The following DPP10 variants were observed in gnomAD, a reference collection of about 807,000 sequenced individuals.
DPP10 encodes the protein dipeptidyl peptidase like 10, also known as inactive dipeptidyl peptidase 10.
DPP10 carries 33 observed loss-of-function variants against 120.9 expected under a neutral mutation model. The observed-to-expected ratio is 0.27, with a 90% CI of 0.21 to 0.37. The LOEUF (loss-of-function observed/expected upper bound fraction) is 0.37, where lower values mean the gene tolerates loss of function less well. Among genes scored for constraint, DPP10 ranks in the 10% least tolerant of loss-of-function variants. The probability of loss-of-function intolerance (pLI) is 1.00; values close to 1 mark genes in which losing one functional copy is unlikely to be tolerated. For missense variants in DPP10, 816 were observed against 942.8 expected, an observed-to-expected ratio of 0.87 and a Z score of 1.76; for synonymous variants, 337 against 326.1, an observed-to-expected ratio of 1.03 and a Z score of -0.36.
chr2:114,766,360 G>A (rs1388939704), intron 1 of DPP10, among the ~76,000 whole-genome samples: 3 of 152,096 alleles, frequency 2.0e-5, no homozygotes, highest in Non-Finnish European at 2.9e-5. Context: ...AAATGATACA[G>A]CTACTCTGGA....
chr2:115,675,991 C>G (rs2090221839), intron 5 of DPP10, among the ~76,000 whole-genome samples: 1 of 152,150 alleles, frequency 6.6e-6, no homozygotes, highest in Non-Finnish European at 1.5e-5. Flanking sequence ...CATGCAGGAC[C>G]CTCCATCCTA....
intron 1 of DPP10, among the ~76,000 whole-genome samples, chr2:114,575,185 G>C (rs896177259): frequency 1.3e-5 from 2 of 152,072 alleles, no homozygotes; most frequent in Admixed American, 1.3e-4. Flanking sequence ...TGCAATTTAG[G>C]AGAGAAAACC....
At chr2:114,720,468 A>T (rs866165962) in intron 1 of DPP10, among the ~76,000 whole-genome samples, 1 of 152,220 alleles carries the variant, frequency 6.6e-6, no homozygotes, top group South Asian at 2.1e-4. Context: ...GTCTTCAGTT[A>T]TATTTGGAAA....
intron 3 of DPP10, among the ~76,000 whole-genome samples, chr2:115,366,055 C>T (rs922241377): frequency 2.0e-5 from 3 of 151,960 alleles, no homozygotes; most frequent in African/African-American, 7.2e-5. Flanking sequence ...AGGACACCAT[C>T]AGTGGTTGGC....
At chr2:114,941,713 G>A (rs751000313) in intron 1 of DPP10, among the ~76,000 whole-genome samples, 6 of 152,134 alleles carry the variant, frequency 3.9e-5, no homozygotes, top group Non-Finnish European at 7.4e-5. Context: ...ACAATTAGCT[G>A]CCATTCACTT....
At chr2:115,779,106 T>TA (rs1682455189) in intron 15 of DPP10, among the ~76,000 whole-genome samples, 1 of 152,112 alleles carries the variant, frequency 6.6e-6, no homozygotes, top group Admixed American at 6.6e-5. Context: ...ATCAGAAGAT[T>TA]AGACTTGGTC....
At position 115,374,163 on chromosome 2, in the gene DPP10, T is replaced by C. The variant is rs568570553; in HGVS notation, c.271+30251T>C. Among the ~76,000 whole-genome samples, 6 of 151,868 alleles carry C rather than the reference T, an allele frequency of 4.0e-5. No homozygotes were observed. In the South Asian group the frequency reaches 1.2e-3, roughly 32 times the overall value. On this transcript the variant is annotated intron_variant, in intron 3 of 25. Transcript: ENST00000410059. ...AAAACCAATCATGCCTTCCAAACAA[T>C]CCCCCAGTGTCTTAACTCATTCCAG...
intron 1 of DPP10, among the ~76,000 whole-genome samples, chr2:114,587,112 A>G (rs989049952): frequency 6.6e-6 from 1 of 152,060 alleles, no homozygotes; most frequent in Non-Finnish European, 1.5e-5. Flanking sequence ...CCTAGCCAAC[A>G]TGGAGAAACC....
intron 3 of DPP10, among the ~76,000 whole-genome samples, chr2:115,404,381 G>C (rs993255595): frequency 2.0e-5 from 3 of 152,026 alleles, no homozygotes; most frequent in Admixed American, 2.0e-4. Context: ...CCTCTAACCA[G>C]GCCCCATCTC....
intron 1 of DPP10, among the ~76,000 whole-genome samples, chr2:114,944,574 G>T (rs750264419): frequency 3.3e-4 from 50 of 152,008 alleles, no homozygotes; most frequent in South Asian, 6.2e-4. Flanking sequence ...TTTTAATCAG[G>T]CATCATTTGT....
chr2:114,507,413 C>A (rs2104556851), intron 1 of DPP10, among the ~76,000 whole-genome samples: 1 of 152,226 alleles, frequency 6.6e-6, no homozygotes, highest in South Asian at 2.1e-4. Context: ...AAACATCACA[C>A]AAACAAGAAG....
intron 3 of DPP10, among the ~76,000 whole-genome samples, chr2:115,397,048 A>T (rs757888308): frequency 3.3e-5 from 5 of 152,216 alleles, no homozygotes; most frequent in Admixed American, 6.5e-5. Flanking sequence ...GCAAAACATG[A>T]TGTGAACATT....
intron 5 of DPP10, among the ~76,000 whole-genome samples, chr2:115,661,849 G>C (rs1020593241): frequency 1.3e-5 from 2 of 152,134 alleles, no homozygotes; most frequent in African/African-American, 4.8e-5. Flanking sequence ...ACCTCCTGTA[G>C]TTACTATCAT....
intron 4 of DPP10, among the ~76,000 whole-genome samples, chr2:115,501,556 AC>A: frequency 6.6e-6 from 1 of 152,198 alleles, no homozygotes. Flanking sequence ...ATTCTAATTT[AC>A]TTGTCTTCTA....
intron 1 of DPP10, among the ~76,000 whole-genome samples, chr2:114,978,797 C>G (rs1353527227): frequency 6.6e-6 from 1 of 152,120 alleles, no homozygotes; most frequent in Non-Finnish European, 1.5e-5. Flanking sequence ...AATTTTATAA[C>G]TCACTAAAGG....
intron 3 of DPP10, among the ~76,000 whole-genome samples, chr2:115,383,078 A>G (rs1270702836): frequency 6.6e-6 from 1 of 152,212 alleles, no homozygotes; most frequent in East Asian, 1.9e-4. Context: ...ATCAAAGATA[A>G]TGGGTTACAG....
rs73949019 is a variant in DPP10 at position 114,787,871 on chromosome 2, C to T, written c.60+345033C>T. On this transcript the variant is annotated intron_variant, in intron 1 of 25. Transcript: ENST00000410059. ...TCCTCAAATTATCTAAATTCATTAC[C>T]TTCTTGCTATAATAGTTTAATTGAG... is the stretch of plus-strand genomic sequence containing the variant. Among the ~76,000 whole-genome samples, 1,216 of 152,264 alleles carry T rather than the reference C, an allele frequency of 8.0e-3. 25 individuals are homozygous for T. The highest frequency in any genetic ancestry group is 0.028 in the African/African-American group (1,165 of 41,550).
At chr2:115,293,181 G>GCA (rs1559376855) in intron 1 of DPP10, among the ~76,000 whole-genome samples, 1 of 152,098 alleles carries the variant, frequency 6.6e-6, no homozygotes, top group Non-Finnish European at 1.5e-5. Context: ...GGCAGGATGC[G>GCA]GGTCAGTGCG....
chr2:114,563,681 A>C (rs577870735), intron 1 of DPP10, among the ~76,000 whole-genome samples: 1 of 152,182 alleles, frequency 6.6e-6, no homozygotes, highest in Non-Finnish European at 1.5e-5. Context: ...TTGCTTCCTA[A>C]GGAGATGAAG....
Sources: allele counts gnomAD v4.1 joint callset (sites outside exome capture counted in the v4.1 genomes callset), GRCh38; gene constraint gnomAD v4.1.1; transcripts MANE v1.5; gene names NCBI Gene and HGNC (gene_info 2026-07-23, HGNC 2026-07-21).